The following DOC2A variants were observed in gnomAD, a reference collection of about 807,000 sequenced individuals.
The protein encoded by DOC2A is double C2 domain alpha, also known as double C2-like domain-containing protein alpha.
DOC2A carries 28 observed loss-of-function variants against 40.6 expected under a neutral mutation model. That is an observed-to-expected ratio of 0.69 (90% CI 0.51 to 0.95). DOC2A has a LOEUF of 0.95. Ranked by LOEUF, DOC2A falls within the 40% of genes least tolerant of loss-of-function variation. The probability of loss-of-function intolerance (pLI) is 0.00; values close to 1 mark genes in which losing one functional copy is unlikely to be tolerated. For synonymous variants in DOC2A, 241 were observed against 236.9 expected (o/e 1.02, Z -0.16); for missense variants, 474 against 552.5 (o/e 0.86, Z 1.42).
In DOC2A at chr16:30,007,300, C is replaced by G. The variant is rs970209135; in HGVS notation, c.528-1G>C. 5 of 1,613,812 alleles carry G rather than the reference C, an allele frequency of 3.1e-6. No homozygotes were observed. In the Admixed American group the frequency reaches 6.7e-5, roughly 22 times the overall value. On this transcript the variant is annotated splice_acceptor_variant, in intron 5 of 10. Coordinates refer to ENST00000350119, the MANE Select transcript of DOC2A (RefSeq NM_003586.3). LOFTEE classifies it high-confidence loss of function. Reference sequence around the variant, plus strand: ...CTTGTCCTCATCACAGACGGCGATCCTGGTCGGGAACTGCAGTGTCAGGGC... The same window carrying G: ...CTTGTCCTCATCACAGACGGCGATCGTGGTCGGGAACTGCAGTGTCAGGGC...
At chr16:30,014,956 A>G (rs2070840738), upstream of DOC2A, 1 of 152,208 alleles carries the variant, frequency 6.6e-6, no homozygotes, top group Non-Finnish European at 1.5e-5. Flanking sequence ...AGAAAAAAAA[A>G]TCAAAAAAGA....
Position 30,006,973 on chromosome 16 carries a change from G to C in DOC2A, c.715-25C>G, listed in dbSNP as rs1215398684. 1.2e-6 allele frequency: 2 copies of C among 1,613,820 alleles called. No individual in the cohort carries two copies. The highest frequency in any genetic ancestry group is 1.7e-5 in the Admixed American group (1 of 60,004). On this transcript the variant is annotated intron_variant, in intron 7 of 10. Transcript: ENST00000350119. This position sits in a 1 kb window ranked among gnomAD's most constrained non-coding sequence, Gnocchi z 6.2. ...ACTGCGGGGCACAGACTCAGGGTCAGCCTGGGCCCCTGCAGCCTCCCACCC... is the reference window on the plus strand; with the variant it reads ...ACTGCGGGGCACAGACTCAGGGTCACCCTGGGCCCCTGCAGCCTCCCACCC...
rs1194537434 is a variant in DOC2A at position 30,009,586 on chromosome 16, C to G, written c.263-29G>C. On this transcript the variant is annotated intron_variant, in intron 2 of 10. Coordinates refer to ENST00000350119, the MANE Select transcript of DOC2A (RefSeq NM_003586.3). The surrounding 1 kb of genome is among the most constrained non-coding windows in gnomAD (Gnocchi z 4.1). ...GAGAGAGAGGAAAGGCAGCATGGGT[C>G]GGTATGGAGACAGGTGTGTGCGAGA... 5.8e-6 allele frequency: 9 copies of G among 1,542,766 alleles called. No homozygotes were observed. In the East Asian group the frequency reaches 2.0e-4, roughly 34 times the overall value.
At position 30,010,048 on chromosome 16, in the gene DOC2A, G is replaced by C; in HGVS notation, c.175C>G (p.Leu59Val). ...GGEAPAHLVP[L>V]ALAPPAALLG... ...AGGGCTGCAGGGGGGGCCAGAGCCA[G>C]GGGGACCAGATGGGCGGGGGCCTCC... The change falls in exon 2 of 11, where the codon CTG becomes GTG. Residue 59 changes from leucine (L) to valine (V), a missense_variant. Physicochemically the swap from Leu to Val is conservative, Grantham distance 32. Coordinates refer to ENST00000350119, the MANE Select transcript of DOC2A (RefSeq NM_003586.3). The surrounding 1 kb of genome is among the most constrained non-coding windows in gnomAD (Gnocchi z 4.2). 1.2e-6 allele frequency: 2 copies of C among 1,612,068 alleles called. No individual in the cohort carries two copies. Among genetic ancestry groups the C allele is most frequent in the South Asian group, 1.1e-5 (1 of 91,032 alleles).
In DOC2A at chr16:30,005,662, A is replaced by C; in HGVS notation, c.*524T>G. ...CCCCCTCCAGGGGACAGTTATTTAA[A>C]CGAGTGGCCGGGAGCATCTGCCACC... On this transcript the variant is annotated 3_prime_UTR_variant, in exon 11 of 11. Coordinates refer to ENST00000350119, the MANE Select transcript of DOC2A (RefSeq NM_003586.3). The C allele has an allele frequency of 1.8e-6, 1 of 558,790 alleles. No individual in the cohort carries two copies. Among genetic ancestry groups the C allele is most frequent in the Non-Finnish European group, 3.1e-6 (1 of 320,598 alleles). 34.6% of individuals were successfully genotyped at this position (558,790 alleles called of 1,614,324 possible).
In DOC2A at chr16:30,005,611, G is replaced by C; in HGVS notation, c.*575C>G. The C allele has an allele frequency of 2.9e-6, 2 of 686,764 alleles. No individual in the cohort carries two copies. The highest frequency in any genetic ancestry group is 4.9e-6 in the Non-Finnish European group (2 of 410,044). 42.5% of individuals were successfully genotyped at this position (686,764 alleles called of 1,614,324 possible). On this transcript the variant is annotated 3_prime_UTR_variant, in exon 11 of 11. Transcript: ENST00000350119. ...TGCACGGGTGTCCCCCAGGAGGGTGGCAGGGGCCCTGCCTTCAAACCCCGG... is the reference window on the plus strand; with the variant it reads ...TGCACGGGTGTCCCCCAGGAGGGTGCCAGGGGCCCTGCCTTCAAACCCCGG...
Position 30,010,779 on chromosome 16 carries a change from T to C in DOC2A, c.-14+124A>G, listed in dbSNP as rs2070757277. The C allele has an allele frequency of 1.4e-6, 1 of 704,642 alleles. No homozygotes were observed. The highest frequency in any genetic ancestry group is 1.8e-6 in the Non-Finnish European group (1 of 565,408). 43.6% of individuals were successfully genotyped at this position (704,642 alleles called of 1,614,324 possible). ...GGAGACCCCAGCCTCAGATGCCACC[T>C]CTGGCTCCTCAGGGGAGCCAGAAAT... On this transcript the variant is annotated intron_variant, in intron 1 of 10. Coordinates refer to ENST00000350119, the MANE Select transcript of DOC2A (RefSeq NM_003586.3). The surrounding 1 kb of genome is among the most constrained non-coding windows in gnomAD (Gnocchi z 4.2).
chr16:30,017,525 C>A (rs1259499672), intron 1 of DOC2A, among the ~76,000 whole-genome samples: 1 of 152,078 alleles, frequency 6.6e-6, no homozygotes, highest in African/African-American at 2.4e-5. Context: ...ATTATCCTAA[C>A]TGAATTAATG....
At chr16:30,013,622 A>AAAAAAAAAAAAAAAT (rs2070821662), upstream of DOC2A, 1 of 141,520 alleles carries the variant, frequency 7.1e-6, no homozygotes, top group Non-Finnish European at 1.5e-5. Context: ...AAAAAAAAAA[A>AAAAAAAAAAAAAAAT]AAAAATCCTT....
chr16:30,013,625 A>AAAAAAAC (rs2070821813), upstream of DOC2A: 1 of 104,710 alleles, frequency 9.6e-6, no homozygotes, highest in African/African-American at 2.9e-5. Flanking sequence ...AAAAAAAAAA[A>AAAAAAAC]AATCCTTAGA....
At chr16:30,018,781 G>A (rs1302527753) in intron 1 of DOC2A, 1 of 152,218 alleles carries the variant, frequency 6.6e-6, no homozygotes, top group Non-Finnish European at 1.5e-5. Context: ...GAGTATGGAT[G>A]AGATCACCTA....
intron 1 of DOC2A, among the ~76,000 whole-genome samples, chr16:30,020,070 G>C (rs552296743): frequency 3.9e-5 from 6 of 152,132 alleles, no homozygotes; most frequent in Non-Finnish European, 8.8e-5. Context: ...TACCGCACCC[G>C]GCTTATTTTT....
intron 1 of DOC2A, among the ~76,000 whole-genome samples, chr16:30,019,596 G>A (rs935793694): frequency 6.6e-6 from 1 of 152,220 alleles, no homozygotes; most frequent in African/African-American, 2.4e-5. Flanking sequence ...AGTAGAGATA[G>A]CTTAATGTTT....
chr16:30,006,574 T>C lies in DOC2A; in HGVS notation c.960+22A>G, dbSNP rs3814880. 698,193 of 1,612,956 alleles carry C rather than the reference T, an allele frequency of 0.43. 155,006 individuals carry two copies. The highest frequency in any genetic ancestry group is 0.5 in the South Asian group (45,946 of 91,040). On this transcript the variant is annotated intron_variant, in intron 9 of 10. Coordinates refer to ENST00000350119, the MANE Select transcript of DOC2A (RefSeq NM_003586.3). This position sits in a 1 kb window ranked among gnomAD's most constrained non-coding sequence, Gnocchi z 6.2. ...CCAGCCCCTCCCTGGCCTCCCTCCA[T>C]GTCCCGTCCCCTCCTGGGTACCTCG...
rs376413873 is a variant in DOC2A at position 30,008,906 on chromosome 16, G to A, written c.527+90C>T. 63 of 906,990 alleles carry A rather than the reference G, an allele frequency of 6.9e-5. 1 individual carries two copies. Among genetic ancestry groups the A allele is most frequent in the South Asian group, 5.7e-4 (43 of 75,058 alleles). 56.2% of individuals were successfully genotyped at this position (906,990 alleles called of 1,614,324 possible). ...TGGTTCTTGAGCATCAGAGAGGTAC[G>A]GGCTTAATGGGACATAGATCAACCA... On this transcript the variant is annotated intron_variant, in intron 5 of 10. Coordinates refer to ENST00000350119, the MANE Select transcript of DOC2A (RefSeq NM_003586.3).
Position 30,006,506 on chromosome 16 carries a change from A to G in DOC2A, c.964T>C (p.Phe322Leu). 2 of 1,595,082 alleles carry G rather than the reference A, an allele frequency of 1.3e-6. No homozygotes were observed. The highest frequency in any genetic ancestry group is 1.7e-6 in the Non-Finnish European group (2 of 1,173,764). The change falls in exon 10 of 11, where the codon TTT becomes CTT. Residue 322 changes from phenylalanine to leucine, a missense_variant. Transcript: ENST00000350119. This position sits in a 1 kb window ranked among gnomAD's most constrained non-coding sequence, Gnocchi z 6.2. ...GTGGAGAGCTCTATCTCGTAGAAAA[A>G]CTCCTAGGGACAAGGCCGGCCACCC... ...KTLNPEFNEE[F>L]FYEIELSTLA...
rs776721838 is a variant in DOC2A at position 30,006,957 on chromosome 16, C to T, written c.715-9G>A. ...TGCTCCGCCTGCTCCAACTGCGGGG[C>T]ACAGACTCAGGGTCAGCCTGGGCCC... On this transcript the variant is annotated splice_polypyrimidine_tract_variant and intron_variant, in intron 7 of 10. Transcript: ENST00000350119. The surrounding 1 kb of genome is among the most constrained non-coding windows in gnomAD (Gnocchi z 6.2). 6.2e-7 allele frequency: 1 copy of T among 1,613,674 alleles called. No homozygotes were observed. Among genetic ancestry groups the T allele is most frequent in the East Asian group, 2.2e-5 (1 of 44,852 alleles).
upstream of DOC2A, among the ~76,000 whole-genome samples, chr16:30,022,655 C>G (rs902213970): frequency 1.3e-5 from 2 of 151,952 alleles, no homozygotes; most frequent in Non-Finnish European, 2.9e-5. Flanking sequence ...CAGAGTGAGA[C>G]CCTGTCTCTG....
At chr16:30,011,432 A>C, upstream of DOC2A, 1 of 984,710 alleles carries the variant, frequency 1.0e-6, no homozygotes, top group Non-Finnish European at 1.2e-6. Context: ...TACTCCTGGG[A>C]GACCTGGCCC....
Sources: gnomAD v4.1 joint callset for allele counts (sites outside exome capture counted in the v4.1 genomes callset) on GRCh38, gnomAD v4.1.1 for gene constraint, Gnocchi (gnomAD v3.1) non-coding constraint, MANE v1.5 for transcripts, NCBI Gene and HGNC (gene_info 2026-07-23, HGNC 2026-07-21) for gene names.